The following CYP2C19 variants were observed in gnomAD, a reference collection of about 807,000 sequenced individuals.
CYP2C19 encodes cytochrome P450 family 2 subfamily C member 19, also known as cytochrome P450 2C19.
In CYP2C19, 59 loss-of-function variants were observed where a neutral mutation model predicts 40.9. That is an observed-to-expected ratio of 1.44 (90% confidence interval 1.17 to 1.79). CYP2C19 has a LOEUF of 1.79. Ranked by LOEUF, CYP2C19 falls within the 40% of genes most tolerant of loss-of-function variation. The pLI, the probability that CYP2C19 is intolerant of heterozygous loss-of-function variation, is 0.00. For synonymous variants in CYP2C19, 253 were observed against 208.7 expected, an observed-to-expected ratio of 1.21 and a Z score of -1.83; for missense variants, 754 against 596.9, an observed-to-expected ratio of 1.26 and a Z score of -2.74.
intron 5 of CYP2C19, among the ~76,000 whole-genome samples, chr10:94,815,250 G>A (rs1334752181): frequency 8.6e-5 from 13 of 152,020 alleles, no homozygotes; most frequent in Non-Finnish European, 2.9e-5. Context: ...TACCAAGGGA[G>A]AGGACTGTCT....
rs569857366 is a variant in CYP2C19, at chr10:94,808,874, A to G, written c.820-11622A>G. Among the ~76,000 whole-genome samples the G allele has an allele frequency of 6.6e-5, 10 of 152,298 alleles. No individual in the cohort carries two copies. The East Asian group carries it at 1.3e-3, about 21-fold the overall frequency. ...AGGTTGCTTCCATATCTTAGCTATT[A>G]TAAACAGTGCTGAAACAAACATGGG... On this transcript the variant is annotated intron_variant, in intron 5 of 8. Coordinates refer to ENST00000371321, the MANE Select transcript of CYP2C19 (RefSeq NM_000769.4).
chr10:94,798,363 T>G (rs562734648), intron 5 of CYP2C19, among the ~76,000 whole-genome samples: 3 of 152,156 alleles, frequency 2.0e-5, no homozygotes, highest in Non-Finnish European at 2.9e-5. Flanking sequence ...AGACAGTTTG[T>G]TATAATTTCT....
At chr10:94,848,368 G>C (rs1205068994) in intron 7 of CYP2C19, among the ~76,000 whole-genome samples, 3 of 152,130 alleles carry the variant, frequency 2.0e-5, no homozygotes, top group East Asian at 1.9e-4. Context: ...TGTCAAGTTT[G>C]TCAAAGATCA....
chr10:94,767,683 T>C (rs563804472), intron 1 of CYP2C19, among the ~76,000 whole-genome samples: 3 of 152,130 alleles, frequency 2.0e-5, no homozygotes, highest in African/African-American at 7.2e-5. Context: ...TAAATAGGGA[T>C]TTGGCCATTT....
chr10:94,800,481 G>C (rs1286378329), intron 5 of CYP2C19, among the ~76,000 whole-genome samples: 1 of 152,236 alleles, frequency 6.6e-6, no homozygotes, highest in Non-Finnish European at 1.5e-5. Flanking sequence ...ACGGGGTTCA[G>C]GTACCCACTT....
chr10:94,811,389 T>C (rs993153209), intron 5 of CYP2C19, among the ~76,000 whole-genome samples: 1 of 152,210 alleles, frequency 6.6e-6, no homozygotes, highest in Non-Finnish European at 1.5e-5. Flanking sequence ...TTTAGATATC[T>C]ATTATGCCCG....
At position 94,855,363 on chromosome 10, in the gene CYP2C19, C is replaced by A. The variant is rs967213156; in HGVS notation, c.*2449C>A. 2.0e-5 allele frequency among the ~76,000 whole-genome samples: 3 copies of A among 152,234 alleles called. No homozygotes were observed. Among genetic ancestry groups the A allele is most frequent in the Admixed American group, 6.5e-5 (1 of 15,280 alleles). ...GTCAGAGCCAACAATTGGACAAGGG[C>A]AATCTGACTGGAAAGTAGAAGTTGC... On this transcript the variant is annotated 3_prime_UTR_variant, in exon 9 of 9. Transcript: ENST00000371321.
At chr10:94,795,958 C>T (rs919982789) in intron 5 of CYP2C19, among the ~76,000 whole-genome samples, 4 of 152,110 alleles carry the variant, frequency 2.6e-5, no homozygotes, top group Admixed American at 2.0e-4. Flanking sequence ...TGCCTATTCA[C>T]TCTGATGGTA....
chr10:94,796,084 C>T (rs1359469414), intron 5 of CYP2C19, among the ~76,000 whole-genome samples: 1 of 152,116 alleles, frequency 6.6e-6, no homozygotes, highest in Non-Finnish European at 1.5e-5. Context: ...ATGCCAATGT[C>T]CTGAATGGTA....
chr10:94,853,077 G>A lies in CYP2C19; in HGVS notation c.*163G>A. ...GCCTCCATTAAAAAAGTTTCACTGT[G>A]CAAATATATCTGCTATTCCCCATAC... On this transcript the variant is annotated 3_prime_UTR_variant, in exon 9 of 9. Transcript: ENST00000371321. The A allele has an allele frequency of 1.4e-6, 1 of 698,962 alleles. No individual in the cohort carries two copies. Among genetic ancestry groups the A allele is most frequent in the Non-Finnish European group, 2.4e-6 (1 of 424,488 alleles). 43.3% of individuals were successfully genotyped at this position (698,962 alleles called of 1,614,324 possible). A position where few individuals can be genotyped will look rare whatever the true frequency, so the allele number is the denominator to read the frequency against.
intron 4 of CYP2C19, 32 bp downstream of exon 4, chr10:94,780,691 C>A: frequency 6.2e-7 from 1 of 1,610,704 alleles, no homozygotes. Context: ...CCTGAGAAAC[C>A]ACTTACAGTC....
rs529365150 is a variant in CYP2C19 at position 94,849,282 on chromosome 10, G to A, written c.1150-635G>A. On this transcript the variant is annotated intron_variant, in intron 7 of 8. Coordinates refer to ENST00000371321, the MANE Select transcript of CYP2C19 (RefSeq NM_000769.4). ...GATTCAGAAGGTTGCACCCAAGTACGCAAGTACTCAGTACTTCAAATGTGG... is the reference window on the plus strand; with the variant it reads ...GATTCAGAAGGTTGCACCCAAGTACACAAGTACTCAGTACTTCAAATGTGG... Among the ~76,000 whole-genome samples the A allele has an allele frequency of 1.6e-4, 24 of 152,186 alleles. No homozygotes were observed. In the South Asian group the frequency reaches 1.7e-3, roughly 11 times the overall value.
chr10:94,792,493 A>C (rs1848617712), intron 5 of CYP2C19, among the ~76,000 whole-genome samples: 1 of 152,090 alleles, frequency 6.6e-6, no homozygotes, highest in Non-Finnish European at 1.5e-5. Context: ...GGCTCATACC[A>C]GTTGTTCCTT....
intron 5 of CYP2C19, among the ~76,000 whole-genome samples, chr10:94,816,679 T>C (rs992109125): frequency 1.3e-5 from 2 of 150,254 alleles, no homozygotes; most frequent in Non-Finnish European, 3.0e-5. Context: ...CTGCACCCAC[T>C]AACTCGTCAT....
chr10:94,818,938 T>G (rs1162408569), intron 5 of CYP2C19, among the ~76,000 whole-genome samples: 1 of 151,964 alleles, frequency 6.6e-6, no homozygotes, highest in East Asian at 1.9e-4. Flanking sequence ...GAATATACAT[T>G]TTTTTCAGCA....
At chr10:94,830,532 C>A (rs948155781) in intron 6 of CYP2C19, among the ~76,000 whole-genome samples, 1 of 152,200 alleles carries the variant, frequency 6.6e-6, no homozygotes, top group Non-Finnish European at 1.5e-5. Context: ...GGTGCACGCA[C>A]CCACTGACCT....
At chr10:94,787,958 A>T (rs1179585997) in intron 5 of CYP2C19, among the ~76,000 whole-genome samples, 1 of 152,160 alleles carries the variant, frequency 6.6e-6, no homozygotes, top group East Asian at 1.9e-4. Flanking sequence ...AGCTTTGGGC[A>T]GTCTAGCCAT....
intron 6 of CYP2C19, among the ~76,000 whole-genome samples, chr10:94,827,622 AT>A: frequency 6.6e-6 from 1 of 152,092 alleles, no homozygotes; most frequent in African/African-American, 2.4e-5. Flanking sequence ...CAGCTCCTGG[AT>A]TCATTAATTT....
rs374366253 is a variant in CYP2C19, at chr10:94,842,685, T to C, written c.962-152T>C. Reference sequence around the variant, plus strand: ...TTACACATTTGTGCATCTGTAGCAGTCCTCTCTTTAAGTTACACATACTTC... The same window carrying C: ...TTACACATTTGTGCATCTGTAGCAGCCCTCTCTTTAAGTTACACATACTTC... On this transcript the variant is annotated intron_variant, in intron 6 of 8. Transcript: ENST00000371321. The C allele has an allele frequency of 2.4e-5, 21 of 872,742 alleles. No individual in the cohort carries two copies. In the South Asian group the frequency reaches 3.2e-4, roughly 13 times the overall value. The allele number at this position is 872,742 out of a possible 1,614,324, so 54.1% of individuals were successfully genotyped here. A position where few individuals can be genotyped will look rare whatever the true frequency, so the allele number is the denominator to read the frequency against.
Sources: gnomAD v4.1 joint callset for allele counts (sites outside exome capture counted in the v4.1 genomes callset) on GRCh38, gnomAD v4.1.1 for gene constraint, MANE v1.5 for transcripts, NCBI Gene and HGNC (gene_info 2026-07-23, HGNC 2026-07-21) for gene names.